RELN: variants seen among roughly 807,000 people sequenced by gnomAD.
The protein encoded by RELN is reelin.
A neutral mutation model predicts 427.6 loss-of-function variants in RELN; 108 were observed. That is an observed-to-expected ratio of 0.25 (90% confidence interval 0.22 to 0.30). RELN has a LOEUF of 0.30. Among genes scored for constraint, RELN ranks in the 10% least tolerant of loss-of-function variants. The pLI, the probability that RELN is intolerant of heterozygous loss-of-function variation, is 1.00. For missense variants in RELN, 3,715 were observed against 4,302.8 expected (o/e 0.86, Z 3.82); for synonymous variants, 1,524 against 1,513.4 (o/e 1.01, Z -0.16).
intron 3 of RELN, among the ~76,000 whole-genome samples, chr7:103,784,872 A>C (rs1302456212): frequency 6.6e-6 from 1 of 152,164 alleles, no homozygotes; most frequent in Non-Finnish European, 1.5e-5. Context: ...AATTGACATA[A>C]AGCATCCATG....
chr7:103,573,008 G>A lies in RELN; in HGVS notation c.4512-748C>T, dbSNP rs570478332. On this transcript the variant is annotated intron_variant, in intron 30 of 64. Coordinates refer to ENST00000428762, the MANE Select transcript of RELN (RefSeq NM_005045.4). The surrounding 1 kb of genome is among the most constrained non-coding windows in gnomAD (Gnocchi z 4.4). ...GGCTGGAGTGCAGTGGCGCGATCTT[G>A]ACTCACTTCAACCTCTGCCTCTTGG... 6.6e-6 allele frequency among the ~76,000 whole-genome samples: 1 copy of A among 152,236 alleles called. No individual in the cohort carries two copies. Among genetic ancestry groups the A allele is most frequent in the South Asian group, 2.1e-4 (1 of 4,820 alleles).
intron 2 of RELN, among the ~76,000 whole-genome samples, chr7:103,871,152 A>G (rs1313628586): frequency 6.6e-6 from 1 of 152,120 alleles, no homozygotes. Context: ...GCTAAAAAGG[A>G]AGTGCCTCAG....
chr7:103,798,117 G>A (rs1792354620), intron 3 of RELN, among the ~76,000 whole-genome samples: 1 of 152,156 alleles, frequency 6.6e-6, no homozygotes, highest in Non-Finnish European at 1.5e-5. Flanking sequence ...CCCAGCCCTG[G>A]ACAGTACTAC....
rs570134748 is a variant in RELN at position 103,629,785 on chromosome 7, T to C, written c.2702+155A>G. ...AACAAGTAGGGTTGTGTAGACATAC[T>C]TGTAACAACCTGAAAACAGTAGTTC... is the stretch of plus-strand genomic sequence containing the variant. On this transcript the variant is annotated intron_variant, in intron 20 of 64. Transcript: ENST00000428762. Among the ~76,000 whole-genome samples, 5 of 152,342 alleles carry C rather than the reference T, an allele frequency of 3.3e-5. No homozygotes were observed. The East Asian group carries it at 9.6e-4, about 29-fold the overall frequency.
At position 103,515,394 on chromosome 7, in the gene RELN, C is replaced by T. The variant is rs2117076467; in HGVS notation, c.7910G>A (p.Arg2637His). 6.2e-7 allele frequency: 1 copy of T among 1,614,034 alleles called. No individual in the cohort carries two copies. The highest frequency in any genetic ancestry group is 8.5e-7 in the Non-Finnish European group (1 of 1,180,016). The change falls in exon 50 of 65, where the codon CGC becomes CAC. Residue 2637 changes from arginine (R) to histidine (H), a missense_variant. Transcript: ENST00000428762. ...LPPDAKEIAT[R>H]FRWWQPRHDG... ...ATGTCTTGGCTGCCACCAGCGGAAG[C>T]GAGTGGCAATCTCTTTAGCATCAGG...
rs1436822883 is a variant in RELN, at chr7:103,593,892, A to C, written c.3712-10T>G. The C allele has an allele frequency of 3.1e-6, 5 of 1,603,140 alleles. No individual in the cohort carries two copies. In the Admixed American group the frequency reaches 5.0e-5, roughly 16 times the overall value. ...GCTTCTCATAAAAGTTCTAATAGAA[A>C]CAATACAAATAAAACAAAAGGCAAT... On this transcript the variant is annotated splice_polypyrimidine_tract_variant and intron_variant, in intron 26 of 64. Transcript: ENST00000428762.
At chr7:103,974,650 A>G (rs929221543) in intron 1 of RELN, among the ~76,000 whole-genome samples, 3 of 152,180 alleles carry the variant, frequency 2.0e-5, no homozygotes, top group African/African-American at 7.2e-5. Flanking sequence ...TTCCCTTTGT[A>G]TGTTCATCAC....
chr7:103,655,701 A>G (rs1159216736), intron 12 of RELN, among the ~76,000 whole-genome samples: 2 of 152,084 alleles, frequency 1.3e-5, no homozygotes, highest in African/African-American at 2.4e-5. Context: ...ACAAAAGTAG[A>G]TATCAGAGGG....
chr7:103,722,026 T>C (rs1246135222), intron 8 of RELN, among the ~76,000 whole-genome samples: 1 of 152,232 alleles, frequency 6.6e-6, no homozygotes, highest in African/African-American at 2.4e-5. Context: ...AAAACCATTA[T>C]TTTTGTTTTT....
chr7:103,615,293 C>T (rs1832055088), intron 20 of RELN, among the ~76,000 whole-genome samples: 1 of 152,206 alleles, frequency 6.6e-6, no homozygotes, highest in Non-Finnish European at 1.5e-5. Flanking sequence ...GGCCATGACA[C>T]TGGCCAAATG....
intron 2 of RELN, among the ~76,000 whole-genome samples, chr7:103,848,760 A>C (rs1793743398): frequency 1.3e-5 from 2 of 152,214 alleles, no homozygotes. Context: ...TGGATGGTAC[A>C]TGCCCATTAC....
At chr7:103,684,699 G>C (rs917564268) in intron 10 of RELN, among the ~76,000 whole-genome samples, 3 of 152,106 alleles carry the variant, frequency 2.0e-5, no homozygotes, top group South Asian at 2.1e-4. Context: ...TCAGGTTGTA[G>C]AATGGAACCA....
intron 6 of RELN, among the ~76,000 whole-genome samples, chr7:103,748,717 T>C (rs951472652): frequency 2.0e-5 from 3 of 152,254 alleles, no homozygotes; most frequent in Non-Finnish European, 4.4e-5. Context: ...ATTACATTAC[T>C]TGAACTTAGT....
At chr7:103,835,285 G>A (rs1554427811) in intron 2 of RELN, among the ~76,000 whole-genome samples, 1 of 152,202 alleles carries the variant, frequency 6.6e-6, no homozygotes, top group Non-Finnish European at 1.5e-5. Flanking sequence ...GTTGCCAGGA[G>A]TTAAAGAGGG....
chr7:103,723,833 G>A lies in RELN; in HGVS notation c.754-642C>T, dbSNP rs138518633. Among the ~76,000 whole-genome samples, 1,472 of 152,126 alleles carry A rather than the reference G, an allele frequency of 9.7e-3. 19 individuals carry two copies. Among genetic ancestry groups the A allele is most frequent in the African/African-American group, 0.034 (1,407 of 41,518 alleles). On this transcript the variant is annotated intron_variant, in intron 7 of 64. Coordinates refer to ENST00000428762, the MANE Select transcript of RELN (RefSeq NM_005045.4). ...CAATAAAACTGTTACCAAAAAAAATGAAGAAAAGAAATAGAATTATGAACC... is the reference window on the plus strand; with the variant it reads ...CAATAAAACTGTTACCAAAAAAAATAAAGAAAAGAAATAGAATTATGAACC...
At chr7:103,789,078 G>A (rs138437725) in intron 3 of RELN, among the ~76,000 whole-genome samples, 2,687 of 152,098 alleles carry the variant, frequency 0.018, 82 homozygotes, top group African/African-American at 0.058. Context: ...TGACAAAAAC[G>A]AGCAATGGGG....
chr7:103,930,526 C>T (rs1310104404), intron 1 of RELN, among the ~76,000 whole-genome samples: 1 of 151,950 alleles, frequency 6.6e-6, no homozygotes, highest in East Asian at 1.9e-4. Context: ...AGGGCAGTGG[C>T]ACAATCAAGG....
At chr7:103,735,707 C>A (rs1464471544) in intron 6 of RELN, among the ~76,000 whole-genome samples, 1 of 152,146 alleles carries the variant, frequency 6.6e-6, no homozygotes, top group Non-Finnish European at 1.5e-5. Context: ...AAGTTAATCA[C>A]CTAGAAACTC....
chr7:103,834,139 T>C (rs1276641549), intron 2 of RELN, among the ~76,000 whole-genome samples: 1 of 152,148 alleles, frequency 6.6e-6, no homozygotes, highest in Non-Finnish European at 1.5e-5. Context: ...AACTCCCCAG[T>C]CCTATTTGGG....
Sources: allele counts gnomAD v4.1 joint callset (sites outside exome capture counted in the v4.1 genomes callset), GRCh38; gene constraint gnomAD v4.1.1; non-coding constraint Gnocchi (gnomAD v3.1); transcripts MANE v1.5; gene names NCBI Gene and HGNC (gene_info 2026-07-23, HGNC 2026-07-21).